The following NEBL variants were observed in gnomAD, a reference collection of about 807,000 sequenced individuals.
The protein encoded by NEBL is nebulette.
NEBL carries 122 observed loss-of-function variants against 140.2 expected under a neutral mutation model. The observed-to-expected ratio is 0.87, with a 90% CI of 0.75 to 1.01. The LOEUF (loss-of-function observed/expected upper bound fraction) is 1.01, where lower values mean the gene tolerates loss of function less well. Ranked by LOEUF, NEBL falls within the 50% of genes least tolerant of loss-of-function variation. The probability of loss-of-function intolerance (pLI) is 0.00; values close to 1 mark genes in which losing one functional copy is unlikely to be tolerated. For synonymous variants in NEBL, 436 were observed against 398.9 expected (o/e 1.09, Z -1.11); for missense variants, 1,365 against 1,231.3 (o/e 1.11, Z -1.62).
chr10:21,110,798 G>C (rs1366504861), intron 2 of NEBL: 3 of 580,816 alleles, frequency 5.2e-6, no homozygotes, highest in East Asian at 3.2e-5. Context: ...AGAACAGTCA[G>C]GTTAGGGACT....
intron 3 of NEBL, among the ~76,000 whole-genome samples, chr10:21,243,298 CTTTTTT>C (rs34974511): frequency 2.4e-5 from 3 of 122,576 alleles, no homozygotes; most frequent in Admixed American, 8.5e-5. Context: ...ATTGAGCATT[CTTTTTT>C]TTTTTTTTTT....
At chr10:21,126,929 C>T (rs904587233) in intron 2 of NEBL, among the ~76,000 whole-genome samples, 5 of 141,426 alleles carry the variant, frequency 3.5e-5, no homozygotes, top group African/African-American at 1.3e-4. Flanking sequence ...GAGCAGAGAT[C>T]GAGCCACTAC....
At chr10:21,284,269 G>A (rs1330934867) in intron 1 of NEBL, among the ~76,000 whole-genome samples, 2 of 142,562 alleles carry the variant, frequency 1.4e-5, no homozygotes, top group Admixed American at 7.2e-5. Context: ...AATTCAGTCT[G>A]ATGATATTTC....
intron 2 of NEBL, among the ~76,000 whole-genome samples, chr10:21,154,565 T>C (rs1840267673): frequency 6.6e-6 from 1 of 151,568 alleles, no homozygotes; most frequent in South Asian, 2.1e-4. Flanking sequence ...AAATTCACAA[T>C]ATGAAACAGA....
chr10:20,881,355 A>C (rs930151153), intron 4 of NEBL, among the ~76,000 whole-genome samples: 10 of 152,228 alleles, frequency 6.6e-5, no homozygotes, highest in African/African-American at 9.6e-5. Flanking sequence ...CATTAAGTGC[A>C]CAAACCTTTG....
chr10:21,221,866 C>G (rs916357641), intron 3 of NEBL, among the ~76,000 whole-genome samples: 2 of 152,032 alleles, frequency 1.3e-5, no homozygotes, highest in African/African-American at 4.8e-5. Context: ...TCTGTCCTCT[C>G]TCATTCATCT....
intron 26 of NEBL, among the ~76,000 whole-genome samples, chr10:20,795,134 C>T (rs1836384028): frequency 6.6e-6 from 1 of 152,064 alleles, no homozygotes; most frequent in South Asian, 2.1e-4. Context: ...TGTAAGAGTA[C>T]TATGGCATGT....
At chr10:21,152,270 T>A (rs1317263738) in intron 2 of NEBL, among the ~76,000 whole-genome samples, 1 of 152,186 alleles carries the variant, frequency 6.6e-6, no homozygotes, top group Non-Finnish European at 1.5e-5. Flanking sequence ...CATCAACGAA[T>A]CTCATAGATT....
intron 2 of NEBL, among the ~76,000 whole-genome samples, chr10:20,891,394 T>C (rs542822965): frequency 6.6e-6 from 1 of 152,344 alleles, no homozygotes; most frequent in South Asian, 2.1e-4. Flanking sequence ...TGATAAATAG[T>C]AGGCTATTTT....
chr10:20,980,661 C>T (rs764803099), intron 3 of NEBL, among the ~76,000 whole-genome samples: 7 of 152,126 alleles, frequency 4.6e-5, no homozygotes, highest in Non-Finnish European at 7.3e-5. Context: ...AGTGTGAAGG[C>T]AAAGATCCAC....
At chr10:20,919,334 C>A (rs899327678) in intron 4 of NEBL, among the ~76,000 whole-genome samples, 5 of 152,212 alleles carry the variant, frequency 3.3e-5, no homozygotes, top group African/African-American at 1.2e-4. Flanking sequence ...GTAAGCCTCA[C>A]TTCCCTTCTA....
intron 2 of NEBL, among the ~76,000 whole-genome samples, chr10:21,104,546 T>C (rs1017920093): frequency 6.6e-6 from 1 of 151,838 alleles, no homozygotes; most frequent in Non-Finnish European, 1.5e-5. Flanking sequence ...TGCCAGTACA[T>C]AGAAATGCAA....
chr10:20,863,012 A>G (rs1309120810), intron 7 of NEBL, among the ~76,000 whole-genome samples: 1 of 152,180 alleles, frequency 6.6e-6, no homozygotes, highest in Non-Finnish European at 1.5e-5. Context: ...AAAATACTGT[A>G]TAGGTATATA....
At chr10:21,049,938 A>G (rs1463924281) in intron 2 of NEBL, among the ~76,000 whole-genome samples, 1 of 152,228 alleles carries the variant, frequency 6.6e-6, no homozygotes, top group East Asian at 1.9e-4. Context: ...AGAATACCTC[A>G]TTGATGAGGA....
At chr10:21,281,156 G>T (rs985935454) in intron 1 of NEBL, among the ~76,000 whole-genome samples, 10 of 152,200 alleles carry the variant, frequency 6.6e-5, no homozygotes, top group African/African-American at 2.4e-4. Context: ...GGCCTGAGCT[G>T]TCAACAGGGA....
chr10:21,164,604 G>T (rs1369484661), intron 2 of NEBL, among the ~76,000 whole-genome samples: 2 of 152,154 alleles, frequency 1.3e-5, no homozygotes, highest in Non-Finnish European at 2.9e-5. Context: ...TAAACAGGCA[G>T]AACTTACACA....
At chr10:21,203,459 G>A (rs1351768910) in intron 3 of NEBL, among the ~76,000 whole-genome samples, 3 of 152,220 alleles carry the variant, frequency 2.0e-5, no homozygotes, top group African/African-American at 7.2e-5. Context: ...CCAGGCAGTA[G>A]AATTTCTCAC....
chr10:21,234,034 G>A (rs1458369857), intron 3 of NEBL, among the ~76,000 whole-genome samples: 1 of 138,974 alleles, frequency 7.2e-6, no homozygotes, highest in Non-Finnish European at 1.6e-5. Flanking sequence ...TAGATAGATA[G>A]ATAGATAGAT....
intron 2 of NEBL, among the ~76,000 whole-genome samples, chr10:21,169,068 ATATATATATATATATATATATATATAT>A (rs1282277038): frequency 1.1e-4 from 2 of 18,044 alleles, no homozygotes; most frequent in African/African-American, 1.9e-4. Context: ...AAAAAAAAAA[ATATATATATATATATATATATATATAT>A]ATATATATAT....
Sources: gnomAD v4.1 joint callset for allele counts (sites outside exome capture counted in the v4.1 genomes callset) on GRCh38, gnomAD v4.1.1 for gene constraint, MANE v1.5 for transcripts, NCBI Gene and HGNC (gene_info 2026-07-23, HGNC 2026-07-21) for gene names.